Variants in DCAF7 observed in about 807,000 individuals in gnomAD.
DCAF7 encodes DDB1- and CUL4-associated factor 7.
DCAF7 carries 4 observed loss-of-function variants against 41.2 expected under a neutral mutation model. The observed-to-expected ratio is 0.10, with a 90% CI of 0.05 to 0.22. DCAF7 has a LOEUF of 0.22. Ranked by LOEUF, DCAF7 falls within the 10% of genes least tolerant of loss-of-function variation. DCAF7 has a pLI of 1.00. For missense variants in DCAF7, 131 were observed against 443.2 expected, an observed-to-expected ratio of 0.30 and a Z score of 6.32; for synonymous variants, 143 against 164.2, an observed-to-expected ratio of 0.87 and a Z score of 0.99.
intron 1 of DCAF7, among the ~76,000 whole-genome samples, chr17:63,562,606 T>C (rs1261017594): frequency 6.6e-6 from 1 of 151,710 alleles, no homozygotes; most frequent in African/African-American, 2.4e-5. Flanking sequence ...GTTACATATG[T>C]ATACACGTGC....
At chr17:63,569,048 A>G (rs1255301113) in intron 1 of DCAF7, among the ~76,000 whole-genome samples, 2 of 152,210 alleles carry the variant, frequency 1.3e-5, no homozygotes, top group African/African-American at 4.8e-5. Context: ...CTATTATTTG[A>G]TGTCACTGGG....
At chr17:63,584,626 G>A (rs1426991790) in intron 5 of DCAF7, among the ~76,000 whole-genome samples, 3 of 152,152 alleles carry the variant, frequency 2.0e-5, no homozygotes, top group Non-Finnish European at 4.4e-5. Flanking sequence ...GCCGGGCGTG[G>A]TGTCAGGCAC....
chr17:63,571,767 T>A (rs1403026234), intron 1 of DCAF7, among the ~76,000 whole-genome samples: 4 of 152,042 alleles, frequency 2.6e-5, no homozygotes, highest in Non-Finnish European at 5.9e-5. Context: ...TTAGGTACTA[T>A]TTTTCAGAGA....
At chr17:63,588,876 G>C (rs2033705275) in intron 6 of DCAF7, 124 bp from the exon 7 acceptor site, 1 of 1,022,816 alleles carries the variant, frequency 9.8e-7, no homozygotes, top group Admixed American at 2.9e-5. Flanking sequence ...GATAAAATGG[G>C]GGCTTAAAAT....
At chr17:63,586,751 A>AC (rs1416885930) in intron 6 of DCAF7, among the ~76,000 whole-genome samples, 1 of 150,490 alleles carries the variant, frequency 6.6e-6, no homozygotes, top group African/African-American at 2.4e-5. Flanking sequence ...ACAGAGTGAG[A>AC]CCCCGTCTCA....
intron 1 of DCAF7, among the ~76,000 whole-genome samples, chr17:63,552,764 G>T (rs1345409022): frequency 2.0e-5 from 3 of 146,824 alleles, no homozygotes; most frequent in African/African-American, 8.3e-5. Flanking sequence ...AGGATCAGTG[G>T]AGTAGTCAAA....
chr17:63,570,325 GCA>G (rs1413829670), intron 1 of DCAF7, among the ~76,000 whole-genome samples: 9 of 152,012 alleles, frequency 5.9e-5, no homozygotes, highest in African/African-American at 2.2e-4. Flanking sequence ...GTGGTGGTAT[GCA>G]CCTGTAATCC....
intron 1 of DCAF7, among the ~76,000 whole-genome samples, chr17:63,553,008 C>A (rs2033273449): frequency 6.6e-6 from 1 of 152,158 alleles, no homozygotes; most frequent in Admixed American, 6.5e-5. Flanking sequence ...TTCTTAAATT[C>A]TGTGTGCCAT....
intron 1 of DCAF7, among the ~76,000 whole-genome samples, chr17:63,574,911 T>C (rs9899685): frequency 2.0e-5 from 3 of 152,130 alleles, no homozygotes; most frequent in Non-Finnish European, 4.4e-5. Flanking sequence ...AGGTCAAGGC[T>C]GTAGTGAGCT....
intron 1 of DCAF7, among the ~76,000 whole-genome samples, chr17:63,574,388 G>A (rs912368997): frequency 6.6e-6 from 1 of 152,150 alleles, no homozygotes; most frequent in African/African-American, 2.4e-5. Context: ...AGGACACTGG[G>A]TTTTGTCTCC....
chr17:63,578,768 G>A, intron 2 of DCAF7, 140 bp downstream of exon 2: 4 of 1,205,222 alleles, frequency 3.3e-6, no homozygotes, highest in Non-Finnish European at 4.7e-6. Context: ...AGCTTAAATG[G>A]ACTGGCCTCG....
In DCAF7 at chr17:63,559,348, C is replaced by CAT. The variant is rs1568097679; in HGVS notation, c.138+8533_138+8534insAT. Among the ~76,000 whole-genome samples, 212 of 112,524 alleles carry CAT rather than the reference C, an allele frequency of 1.9e-3. 4 individuals are homozygous for CAT. The highest frequency in any genetic ancestry group is 7.4e-3 in the African/African-American group (209 of 28,152). The allele number at this position is 112,524 out of a possible 152,430, so 73.8% of individuals were successfully genotyped here. On this transcript the variant is annotated intron_variant, in intron 1 of 6. Transcript: ENST00000614556. ...ATATATATATACATACATATATATACGTATATATATGTATGTATATATATA... is the reference window on the plus strand; with the variant it reads ...ATATATATATACATACATATATATACATGTATATATATGTATGTATATATATA...
At chr17:63,572,070 T>G (rs1281623666) in intron 1 of DCAF7, among the ~76,000 whole-genome samples, 1 of 152,040 alleles carries the variant, frequency 6.6e-6, no homozygotes, top group Non-Finnish European at 1.5e-5. Flanking sequence ...CAAACAGATG[T>G]TAGAGATAAG....
chr17:63,566,209 A>C (rs2033439006), intron 1 of DCAF7, among the ~76,000 whole-genome samples: 1 of 152,114 alleles, frequency 6.6e-6, no homozygotes, highest in Non-Finnish European at 1.5e-5. Flanking sequence ...TCTCTACTAA[A>C]AATACAAAAA....
chr17:63,585,129 G>A (rs1281034941), intron 5 of DCAF7, 82 bp from the exon 6 acceptor site: 1 of 1,142,978 alleles, frequency 8.7e-7, no homozygotes, highest in African/African-American at 1.6e-5. Flanking sequence ...TGCCTAAAAA[G>A]ATTTTTGCAT....
intron 1 of DCAF7, among the ~76,000 whole-genome samples, chr17:63,563,305 C>A (rs1435367420): frequency 6.6e-6 from 1 of 152,158 alleles, no homozygotes; most frequent in Non-Finnish European, 1.5e-5. Flanking sequence ...TATCATCTTT[C>A]CCTTTTAAAT....
chr17:63,583,143 G>A (rs1317243900), intron 4 of DCAF7, among the ~76,000 whole-genome samples: 1 of 152,152 alleles, frequency 6.6e-6, no homozygotes, highest in Non-Finnish European at 1.5e-5. Flanking sequence ...GCCTCTGATT[G>A]TGCACAAGGC....
In DCAF7 at chr17:63,590,948, A is replaced by G. The variant is rs554876702; in HGVS notation, c.*1776A>G. 1 of 152,278 alleles carries G rather than the reference A, an allele frequency of 6.6e-6. No homozygotes were observed. The highest frequency in any genetic ancestry group is 2.1e-4 in the South Asian group (1 of 4,822). 9.4% of individuals were successfully genotyped at this position (152,278 alleles called of 1,614,324 possible). A position where few individuals can be genotyped will look rare whatever the true frequency, so the allele number is the denominator to read the frequency against. ...GAAAAAGGCTCTTTTTTTAGCCAGC[A>G]TATTTCCCCTTCTACCCTTTTACTT... is the stretch of plus-strand genomic sequence containing the variant. On this transcript the variant is annotated 3_prime_UTR_variant, in exon 7 of 7. Transcript: ENST00000614556.
At chr17:63,560,980 C>G (rs371623762) in intron 1 of DCAF7, among the ~76,000 whole-genome samples, 3 of 152,164 alleles carry the variant, frequency 2.0e-5, no homozygotes, top group African/African-American at 7.2e-5. Flanking sequence ...CCTGTAATCC[C>G]CACTACAGGC....
Sources: gnomAD v4.1 joint callset for allele counts (sites outside exome capture counted in the v4.1 genomes callset) on GRCh38, gnomAD v4.1.1 for gene constraint, MANE v1.5 for transcripts, NCBI Gene and HGNC (gene_info 2026-07-23, HGNC 2026-07-21) for gene names.